The following AGAP1 variants were observed in gnomAD, a reference collection of about 807,000 sequenced individuals.
AGAP1 encodes the protein ArfGAP with GTPase domain, ankyrin repeat and PH domain 1.
Under a neutral mutation model 105.3 loss-of-function variants are expected in AGAP1, and 29 were observed. That is an observed-to-expected ratio of 0.28 (90% CI 0.21 to 0.38). The LOEUF (loss-of-function observed/expected upper bound fraction) is 0.38. Among genes scored for constraint, AGAP1 ranks in the 10% least tolerant of loss-of-function variants. The pLI is 1.00. For missense variants in AGAP1, 998 were observed against 1,165.1 expected (o/e 0.86, Z 2.09); for synonymous variants, 509 against 485.9 (o/e 1.05, Z -0.63).
At chr2:235,949,049 A>T (rs146532312) in intron 12 of AGAP1, among the ~76,000 whole-genome samples, 1 of 152,312 alleles carries the variant, frequency 6.6e-6, no homozygotes, top group African/African-American at 2.4e-5. Flanking sequence ...ACCTGCCTAG[A>T]TGGGGAGCAA....
Position 235,875,577 on chromosome 2 carries a change from G to A in AGAP1, c.1051-7768G>A, listed in dbSNP as rs771857972. Among the ~76,000 whole-genome samples the A allele has an allele frequency of 9.9e-5, 15 of 152,170 alleles. No homozygotes were observed. The highest frequency in any genetic ancestry group is 1.4e-4 in the African/African-American group (6 of 41,448). On this transcript the variant is annotated intron_variant, in intron 9 of 17. Coordinates refer to ENST00000304032, the MANE Select transcript of AGAP1 (RefSeq NM_001037131.3). This position sits in a 1 kb window ranked among gnomAD's most constrained non-coding sequence, Gnocchi z 4.0. ...CGATTGGACACGTGATTCCCAGCAC[G>A]TTTCCTGAGGTTCCGCCTGCAGCCC... is the stretch of plus-strand genomic sequence containing the variant.
rs1156902466 is a variant in AGAP1 at position 235,733,366 on chromosome 2, A to T, written c.311-7597A>T. Among the ~76,000 whole-genome samples the T allele has an allele frequency of 2.0e-5, 3 of 152,038 alleles. No individual in the cohort carries two copies. Among genetic ancestry groups the T allele is most frequent in the Admixed American group, 2.0e-4 (3 of 15,270 alleles). On this transcript the variant is annotated intron_variant, in intron 3 of 17. Coordinates refer to ENST00000304032, the MANE Select transcript of AGAP1 (RefSeq NM_001037131.3). This position sits in a 1 kb window ranked among gnomAD's most constrained non-coding sequence, Gnocchi z 5.0. The stretch of plus-strand genomic sequence containing the variant: ...TCCCTGCGCACTTTGGGGTGAAGTG[A>T]TGGGGTGTTGTTGGCTCAGGTTGTA...
intron 1 of AGAP1, among the ~76,000 whole-genome samples, chr2:235,675,190 G>GTTT (rs10714704): frequency 7.9e-6 from 1 of 127,280 alleles, no homozygotes. Flanking sequence ...TGGTTGGTTG[G>GTTT]TTTTTTTTTT....
At chr2:235,997,741 T>TA (rs1341208020) in intron 13 of AGAP1, among the ~76,000 whole-genome samples, 1 of 152,182 alleles carries the variant, frequency 6.6e-6, no homozygotes, top group East Asian at 1.9e-4. Context: ...TTTTCCTAAC[T>TA]AAAAAATCTG....
intron 9 of AGAP1, among the ~76,000 whole-genome samples, chr2:235,869,326 T>A (rs2049324606): frequency 6.9e-6 from 1 of 144,376 alleles, no homozygotes; most frequent in African/African-American, 2.5e-5. Flanking sequence ...GGCTCACGCC[T>A]GTAATCCCAG....
At chr2:235,914,645 A>G (rs922259959) in intron 11 of AGAP1, among the ~76,000 whole-genome samples, 24 of 152,336 alleles carry the variant, frequency 1.6e-4, no homozygotes, top group East Asian at 1.2e-3. Flanking sequence ...AGGAAGAAAC[A>G]CGCACTGTCA....
At chr2:236,031,327 C>T (rs997446898) in intron 13 of AGAP1, among the ~76,000 whole-genome samples, 4 of 152,066 alleles carry the variant, frequency 2.6e-5, no homozygotes, top group African/African-American at 7.2e-5. Flanking sequence ...TCAGAAAGCT[C>T]GAAAGAGAAC....
At chr2:235,649,192 G>A (rs1379310849) in intron 1 of AGAP1, among the ~76,000 whole-genome samples, 4 of 152,128 alleles carry the variant, frequency 2.6e-5, no homozygotes, top group African/African-American at 7.2e-5. Context: ...GACGCTCCTC[G>A]GGGGAGGATT....
chr2:235,780,702 G>A (rs539974890), intron 6 of AGAP1, among the ~76,000 whole-genome samples: 1 of 152,168 alleles, frequency 6.6e-6, no homozygotes, highest in Non-Finnish European at 1.5e-5. Context: ...CACAGCTGTG[G>A]GTTTAAGTTG....
At position 235,891,041 on chromosome 2, in the gene AGAP1, C is replaced by G. The variant is rs1460624483; in HGVS notation, c.1155+7592C>G. The stretch of plus-strand genomic sequence containing the variant: ...TGAGATAACAGATAGAAAACTCAAC[C>G]AAATAATGAATGAAACTGCCTTAAT... On this transcript the variant is annotated intron_variant, in intron 10 of 17. Transcript: ENST00000304032. This position sits in a 1 kb window ranked among gnomAD's most constrained non-coding sequence, Gnocchi z 4.2. Among the ~76,000 whole-genome samples the G allele has an allele frequency of 6.6e-6, 1 of 151,510 alleles. No individual in the cohort carries two copies. Among genetic ancestry groups the G allele is most frequent in the African/African-American group, 2.4e-5 (1 of 41,218 alleles).
Position 235,700,915 on chromosome 2 carries a change from ATT to A in AGAP1, c.164-8263_164-8262del, listed in dbSNP as rs1950217114. 1.4e-5 allele frequency among the ~76,000 whole-genome samples: 2 copies of A among 147,726 alleles called. No homozygotes were observed. Among genetic ancestry groups the A allele is most frequent in the Admixed American group, 1.4e-4 (2 of 14,680 alleles). On this transcript the variant is annotated intron_variant, in intron 1 of 17. Transcript: ENST00000304032. This position sits in a 1 kb window ranked among gnomAD's most constrained non-coding sequence, Gnocchi z 6.1. ...TATATAATGTATAATATATGCATAT[ATT>A]ATGTATTACACATGCTAGCATATTT...
chr2:235,593,609 G>A (rs1209416420), intron 1 of AGAP1, among the ~76,000 whole-genome samples: 1 of 152,088 alleles, frequency 6.6e-6, no homozygotes, highest in Non-Finnish European at 1.5e-5. Flanking sequence ...TATATCTACT[G>A]TGTGTTTTGG....
chr2:235,888,440 T>A lies in AGAP1; in HGVS notation c.1155+4991T>A, dbSNP rs1206864036. Among the ~76,000 whole-genome samples the A allele has an allele frequency of 6.6e-6, 1 of 151,932 alleles. No individual in the cohort carries two copies. The highest frequency in any genetic ancestry group is 1.5e-5 in the Non-Finnish European group (1 of 67,988). ...CCTGCATTAGTCAACCAAATTAAAT[T>A]CCCAGGCGAGCTCCCCAACCAGTCC... On this transcript the variant is annotated intron_variant, in intron 10 of 17. Transcript: ENST00000304032. This position sits in a 1 kb window ranked among gnomAD's most constrained non-coding sequence, Gnocchi z 4.8.
chr2:235,866,249 G>A lies in AGAP1; in HGVS notation c.1051-17096G>A, dbSNP rs1319440102. On this transcript the variant is annotated intron_variant, in intron 9 of 17. Coordinates refer to ENST00000304032, the MANE Select transcript of AGAP1 (RefSeq NM_001037131.3). The surrounding 1 kb of genome is among the most constrained non-coding windows in gnomAD (Gnocchi z 6.1). The stretch of plus-strand genomic sequence containing the variant: ...TAACTTGGTGTGGTTATTCTTGCAG[G>A]TTGAGCCGGGTGCTAGCTACTGATG... Among the ~76,000 whole-genome samples the A allele has an allele frequency of 6.6e-6, 1 of 152,150 alleles. No individual in the cohort carries two copies. The highest frequency in any genetic ancestry group is 2.4e-5 in the African/African-American group (1 of 41,444).
chr2:235,494,948 C>A, intron 1 of AGAP1, 99 bp downstream of exon 1: 2 of 1,231,942 alleles, frequency 1.6e-6, no homozygotes, highest in Non-Finnish European at 2.1e-6. Context: ...ACACGCCGGC[C>A]GGGGCACGCG....
chr2:235,576,879 T>TA (rs1315031712), intron 1 of AGAP1, among the ~76,000 whole-genome samples: 3 of 152,216 alleles, frequency 2.0e-5, no homozygotes, highest in Non-Finnish European at 4.4e-5. Flanking sequence ...GGGACAATTC[T>TA]AATGGCCTCT....
At chr2:235,528,369 C>A (rs552347704) in intron 1 of AGAP1, among the ~76,000 whole-genome samples, 2 of 150,724 alleles carry the variant, frequency 1.3e-5, no homozygotes. Context: ...CCCCCGCCCC[C>A]TCCCCTCCCA....
Position 235,889,618 on chromosome 2 carries a change from C to G in AGAP1, c.1155+6169C>G, listed in dbSNP as rs572371258. On this transcript the variant is annotated intron_variant, in intron 10 of 17. Coordinates refer to ENST00000304032, the MANE Select transcript of AGAP1 (RefSeq NM_001037131.3). This position sits in a 1 kb window ranked among gnomAD's most constrained non-coding sequence, Gnocchi z 4.6. ...AGATTGTTTAGGAGACCAGTAATCC[C>G]TAGTTCCTTTGACTTGCAGCTCAGC... Among the ~76,000 whole-genome samples, 2 of 151,622 alleles carry G rather than the reference C, an allele frequency of 1.3e-5. No individual in the cohort carries two copies. The highest frequency in any genetic ancestry group is 4.2e-4 in the South Asian group (2 of 4,770).
At chr2:235,698,909 A>G (rs772048100) in intron 1 of AGAP1, among the ~76,000 whole-genome samples, 8 of 152,230 alleles carry the variant, frequency 5.3e-5, no homozygotes, top group Non-Finnish European at 1.0e-4. Flanking sequence ...ACATGTAGTC[A>G]GCATGTGAAA....
Sources: allele counts gnomAD v4.1 joint callset (sites outside exome capture counted in the v4.1 genomes callset), GRCh38; gene constraint gnomAD v4.1.1; non-coding constraint Gnocchi (gnomAD v3.1); transcripts MANE v1.5; gene names NCBI Gene and HGNC (gene_info 2026-07-23, HGNC 2026-07-21).